DPH6: variants seen among roughly 807,000 people sequenced by gnomAD.
DPH6 encodes diphthine--ammonia ligase.
DPH6 carries 33 observed loss-of-function variants against 38.2 expected under a neutral mutation model. The observed-to-expected ratio is 0.86, with a 90% CI of 0.65 to 1.15. DPH6 has a LOEUF of 1.15. Among genes scored for constraint, DPH6 ranks in the 50% most tolerant of loss-of-function variants. DPH6 has a pLI of 0.00. For synonymous variants in DPH6, 108 were observed against 103.0 expected (o/e 1.05, Z -0.30); for missense variants, 325 against 320.0 (o/e 1.02, Z -0.12).
intron 3 of DPH6, among the ~76,000 whole-genome samples, chr15:35,460,367 C>T (rs992887675): frequency 3.9e-5 from 6 of 151,936 alleles, no homozygotes; most frequent in Admixed American, 6.6e-5. Flanking sequence ...AGAGACCAAA[C>T]GGGAAGAAAA....
At chr15:35,281,716 T>C (rs1403303851) in intron 3 of DPH6, among the ~76,000 whole-genome samples, 3 of 152,212 alleles carry the variant, frequency 2.0e-5, no homozygotes, top group African/African-American at 7.2e-5. Flanking sequence ...AAAATATTTA[T>C]TGACTATCAT....
At chr15:35,526,473 C>T (rs924038746) in intron 3 of DPH6, among the ~76,000 whole-genome samples, 18 of 152,082 alleles carry the variant, frequency 1.2e-4, no homozygotes, top group East Asian at 3.9e-4. Flanking sequence ...CCACTGTGTA[C>T]GAGTACACAA....
At chr15:35,224,736 A>G (rs1239402167) in intron 3 of DPH6, among the ~76,000 whole-genome samples, 1 of 152,168 alleles carries the variant, frequency 6.6e-6, no homozygotes, top group African/African-American at 2.4e-5. Flanking sequence ...AGCATGTGGT[A>G]TTGTCAGTGT....
intron 6 of DPH6, among the ~76,000 whole-genome samples, chr15:35,382,207 G>A (rs1221167957): frequency 2.6e-5 from 4 of 152,098 alleles, no homozygotes; most frequent in Admixed American, 6.5e-5. Flanking sequence ...AGGCCGAGGC[G>A]GGCGGATCAC....
At chr15:35,373,760 C>T in intron 7 of DPH6, 152 bp from the exon 8 acceptor site, 1 of 500,150 alleles carries the variant, frequency 2.0e-6, no homozygotes, top group East Asian at 3.6e-5. Context: ...TTTTAATAAC[C>T]CAGTATTTAA....
rs2053216159 is a variant in DPH6, at chr15:35,401,322, T to C, written c.567+9513A>G. ...TTGGTAGTGGAGGAAACTTCAGTGA[T>C]CATGGTGGCTTTGGTGGCAGCTGTG... is the stretch of plus-strand genomic sequence containing the variant. On this transcript the variant is annotated intron_variant, in intron 6 of 8. Transcript: ENST00000256538. The C allele has an allele frequency of 1.6e-5, 13 of 788,900 alleles. No homozygotes were observed. In the Admixed American group the frequency reaches 2.2e-4, roughly 14 times the overall value. The allele number at this position is 788,900 out of a possible 1,614,324, so 48.9% of individuals were successfully genotyped here. A position where few individuals can be genotyped will look rare whatever the true frequency, so the allele number is the denominator to read the frequency against.
chr15:35,496,976 T>TA (rs2054566927), intron 3 of DPH6, among the ~76,000 whole-genome samples: 3 of 152,102 alleles, frequency 2.0e-5, no homozygotes, highest in Admixed American at 2.0e-4. Context: ...AGAAACCTCT[T>TA]ACACTGAAGC....
Position 35,345,243 on chromosome 15 carries a change from G to A in DPH6, n.208-14166C>T, listed in dbSNP as rs565952987. Reference sequence around the variant, plus strand: ...TAACCTCGTATCCAGAAACCTTATCGATCTCAGTATTAATTCTAAGAACAT... The same window carrying A: ...TAACCTCGTATCCAGAAACCTTATCAATCTCAGTATTAATTCTAAGAACAT... On this transcript the variant is annotated intron_variant and non_coding_transcript_variant, in intron 3 of 3. Transcript: ENST00000558973. 3.3e-5 allele frequency among the ~76,000 whole-genome samples: 5 copies of A among 151,814 alleles called. No homozygotes were observed. The East Asian group carries it at 7.7e-4, about 23-fold the overall frequency.
chr15:35,513,332 T>A (rs545321424), intron 3 of DPH6, among the ~76,000 whole-genome samples: 1 of 151,962 alleles, frequency 6.6e-6, no homozygotes, highest in African/African-American at 2.4e-5. Context: ...AGGAAGAACA[T>A]GGGTGAGTAC....
At position 35,533,717 on chromosome 15, in the gene DPH6, CAATT is replaced by C. The variant is rs539101753; in HGVS notation, c.312+4553_312+4556del. Among the ~76,000 whole-genome samples the C allele has an allele frequency of 9.0e-3, 1,362 of 150,974 alleles. 22 individuals are homozygous for C. The highest frequency in any genetic ancestry group is 0.031 in the African/African-American group (1,285 of 41,350). On this transcript the variant is annotated intron_variant, in intron 3 of 8. Coordinates refer to ENST00000256538, the MANE Select transcript of DPH6 (RefSeq NM_080650.4). ...ATTTATTATTAAAATTTTAATCCCTCAATTATTACTGTCAATAATAATAAACAGA... is the reference window on the plus strand; with the variant it reads ...ATTTATTATTAAAATTTTAATCCCTCATTACTGTCAATAATAATAAACAGA...
At chr15:35,245,536 G>A (rs960468778) in intron 3 of DPH6, among the ~76,000 whole-genome samples, 8 of 152,070 alleles carry the variant, frequency 5.3e-5, no homozygotes, top group Non-Finnish European at 7.4e-5. Flanking sequence ...CCACGCTGGC[G>A]GGTCATTGTT....
At chr15:35,172,098 C>T in the DPH6 span, among the ~76,000 whole-genome samples, 1 of 152,256 alleles carries the variant, frequency 6.6e-6, no homozygotes, top group East Asian at 1.9e-4. Context: ...GAACTCCTGA[C>T]CTCGTGATCC....
At chr15:35,366,605 A>AATATG (rs2052663644), downstream of DPH6, among the ~76,000 whole-genome samples, 1 of 151,940 alleles carries the variant, frequency 6.6e-6, no homozygotes, top group East Asian at 1.9e-4. Context: ...CAAAGAATCC[A>AATATG]ATATGATCAG....
At chr15:35,467,167 CATAA>C (rs1423177984) in intron 3 of DPH6, among the ~76,000 whole-genome samples, 16 of 152,266 alleles carry the variant, frequency 1.1e-4, no homozygotes, top group Middle Eastern at 3.4e-3. Context: ...TGGATTAAAA[CATAA>C]ATAAATTGTA....
intron 3 of DPH6, among the ~76,000 whole-genome samples, chr15:35,361,362 C>A (rs1385208233): frequency 6.6e-6 from 1 of 152,156 alleles, no homozygotes; most frequent in Non-Finnish European, 1.5e-5. Flanking sequence ...TTGCCTATGT[C>A]ACTCTCTAAC....
intron 4 of DPH6, among the ~76,000 whole-genome samples, chr15:35,453,256 C>T (rs377125324): frequency 1.3e-5 from 2 of 152,100 alleles, no homozygotes; most frequent in East Asian, 3.9e-4. Context: ...AAAGTCTCTA[C>T]CCATGGGCAT....
chr15:35,358,689 C>T (rs2140903435), intron 3 of DPH6, among the ~76,000 whole-genome samples: 1 of 152,278 alleles, frequency 6.6e-6, no homozygotes, highest in South Asian at 2.1e-4. Flanking sequence ...CTACCTGGCT[C>T]TGGGCTGGTA....
intron 3 of DPH6, among the ~76,000 whole-genome samples, chr15:35,281,934 T>C (rs972025729): frequency 5.3e-5 from 8 of 152,240 alleles, no homozygotes; most frequent in African/African-American, 1.9e-4. Context: ...ATCAATTTCT[T>C]GTATATTGTC....
the DPH6 span, among the ~76,000 whole-genome samples, chr15:35,154,433 G>A: frequency 1.1e-4 from 16 of 152,104 alleles, no homozygotes; most frequent in East Asian, 2.5e-3. Context: ...TCTACTTCTC[G>A]TCGCTGTGAG....
Sources: gnomAD v4.1 joint callset for allele counts (sites outside exome capture counted in the v4.1 genomes callset) on GRCh38, gnomAD v4.1.1 for gene constraint, MANE v1.5 for transcripts, NCBI Gene and HGNC (gene_info 2026-07-23, HGNC 2026-07-21) for gene names.